Variants in CA13 observed in about 807,000 individuals in gnomAD.
CA13 encodes CA-XIII.
Under a neutral mutation model 31.5 loss-of-function variants are expected in CA13, and 21 were observed. The ratio of observed to expected loss-of-function variants is 0.67; its 90% CI spans 0.47 to 0.96. CA13 has a LOEUF of 0.96. CA13 is among the 40% of genes least tolerant of loss of function. The pLI is 0.00. For missense variants in CA13, 315 were observed against 318.9 expected (o/e 0.99, Z 0.09); for synonymous variants, 117 against 111.4 (o/e 1.05, Z -0.32).
Position 85,282,914 on chromosome 8 carries a change from G to A in CA13, c.*1565G>A, listed in dbSNP as rs752396689. On this transcript the variant is annotated 3_prime_UTR_variant, in exon 7 of 7. Transcript: ENST00000321764. ...TTCTTTTATCTCTCTTCCTCTGGAT[G>A]TAGTTTTTTTTTGTTTTTTTTTTGT... The A allele has an allele frequency of 8.1e-6, 1 of 124,090 alleles. No individual in the cohort carries two copies. The highest frequency in any genetic ancestry group is 2.9e-5 in the African/African-American group (1 of 34,416). The allele number at this position is 124,090 out of a possible 1,614,324, so 7.7% of individuals were successfully genotyped here. A position where few individuals can be genotyped will look rare whatever the true frequency, so the allele number is the denominator to read the frequency against.
At chr8:85,251,087 C>G (rs1292418437) in intron 2 of CA13, 150 bp downstream of exon 2, 1 of 675,400 alleles carries the variant, frequency 1.5e-6, no homozygotes, top group African/African-American at 1.8e-5. Context: ...TTGCAACCTC[C>G]GCCTCCTAAG....
intron 6 of CA13, among the ~76,000 whole-genome samples, chr8:85,273,811 G>A (rs1441979117): frequency 3.3e-5 from 5 of 152,146 alleles, no homozygotes; most frequent in South Asian, 4.1e-4. Flanking sequence ...AGAGTGCGCC[G>A]ACAGACAACA....
rs958115755 is a variant in CA13, at chr8:85,281,547, C to T, written c.*198C>T. 2 of 1,240,640 alleles carry T rather than the reference C, an allele frequency of 1.6e-6. No homozygotes were observed. The highest frequency in any genetic ancestry group is 2.1e-6 in the Non-Finnish European group (2 of 973,952). The allele number at this position is 1,240,640 out of a possible 1,614,324, so 76.9% of individuals were successfully genotyped here. A position where few individuals can be genotyped will look rare whatever the true frequency, so the allele number is the denominator to read the frequency against. On this transcript the variant is annotated 3_prime_UTR_variant, in exon 7 of 7. Coordinates refer to ENST00000321764, the MANE Select transcript of CA13 (RefSeq NM_198584.3). ...TTTTTTTTAGTGATAGAGTCTCACT[C>T]TGTCACCCAGGCTGGAGGGCAGTGG...
intron 6 of CA13, among the ~76,000 whole-genome samples, 180 bp downstream of exon 6, chr8:85,268,807 G>C (rs1043959336): frequency 2.0e-5 from 3 of 151,810 alleles, no homozygotes; most frequent in Non-Finnish European, 4.4e-5. Context: ...CCTGTGATTA[G>C]ATGATTTATT....
intron 3 of CA13, among the ~76,000 whole-genome samples, chr8:85,262,328 A>G (rs1303387153): frequency 1.3e-5 from 2 of 152,180 alleles, no homozygotes; most frequent in Non-Finnish European, 2.9e-5. Context: ...CCTGTGGGAT[A>G]GGCATCCGTT....
intron 1 of CA13, among the ~76,000 whole-genome samples, chr8:85,248,470 A>G (rs558480201): frequency 6.6e-6 from 1 of 151,704 alleles, no homozygotes; most frequent in Non-Finnish European, 1.5e-5. Context: ...AAAAAAAAAA[A>G]AAAAGAAAAA....
chr8:85,270,060 A>G (rs16913721), intron 6 of CA13, among the ~76,000 whole-genome samples: 97,077 of 152,086 alleles, frequency 0.64, 31,371 homozygotes, highest in Non-Finnish European at 0.66. Flanking sequence ...ACTGTGCTTG[A>G]GGTGTGAACC....
chr8:85,245,533 C>A lies in CA13; in HGVS notation c.-296C>A, dbSNP rs76559906. 3 of 425,310 alleles carry A rather than the reference C, an allele frequency of 7.1e-6. No homozygotes were observed. The highest frequency in any genetic ancestry group is 8.4e-6 in the Non-Finnish European group (2 of 237,600). 26.3% of individuals were successfully genotyped at this position (425,310 alleles called of 1,614,324 possible). A position where few individuals can be genotyped will look rare whatever the true frequency, so the allele number is the denominator to read the frequency against. Reference sequence around the variant, plus strand: ...ACTCCTCAGAAGGCAGGAGATCCCCCCCGGAAACCTTTCTCTCTCCGTCTC... The same window carrying A: ...ACTCCTCAGAAGGCAGGAGATCCCCACCGGAAACCTTTCTCTCTCCGTCTC... On this transcript the variant is annotated 5_prime_UTR_variant, in exon 1 of 7. Transcript: ENST00000321764.
At chr8:85,261,343 T>C (rs1807376164) in intron 3 of CA13, among the ~76,000 whole-genome samples, 1 of 152,204 alleles carries the variant, frequency 6.6e-6, no homozygotes, top group South Asian at 2.1e-4. Context: ...TCCAGGTAAA[T>C]ATTACACAAA....
chr8:85,245,554 G>T lies in CA13; in HGVS notation c.-275G>T, dbSNP rs1813707381. ...CCCCCCCGGAAACCTTTCTCTCTCCGTCTCTCCCTCTAACTCAAATCTCTC... is the reference window on the plus strand; with the variant it reads ...CCCCCCCGGAAACCTTTCTCTCTCCTTCTCTCCCTCTAACTCAAATCTCTC... On this transcript the variant is annotated 5_prime_UTR_variant, in exon 1 of 7. Transcript: ENST00000321764. 1 of 474,484 alleles carries T rather than the reference G, an allele frequency of 2.1e-6. No homozygotes were observed. The highest frequency in any genetic ancestry group is 4.1e-5 in the Admixed American group (1 of 24,468). 29.4% of individuals were successfully genotyped at this position (474,484 alleles called of 1,614,324 possible). A position where few individuals can be genotyped will look rare whatever the true frequency, so the allele number is the denominator to read the frequency against.
rs192042096 is a variant in CA13 at position 85,271,674 on chromosome 8, T to C, written c.669+3047T>C. ...TCTCCTTTTAAAGAAAAAAACTCTT[T>C]TTTGTTTATTATATTTGCATGCAGT... On this transcript the variant is annotated intron_variant, in intron 6 of 6. Coordinates refer to ENST00000321764, the MANE Select transcript of CA13 (RefSeq NM_198584.3). Among the ~76,000 whole-genome samples, 432 of 152,322 alleles carry C rather than the reference T, an allele frequency of 2.8e-3. 2 individuals are homozygous for C. Among genetic ancestry groups the C allele is most frequent in the South Asian group, 0.011 (53 of 4,830 alleles).
At chr8:85,259,322 G>T in intron 2 of CA13, 99 bp from the exon 3 acceptor site, 2 of 887,778 alleles carry the variant, frequency 2.3e-6, no homozygotes, top group South Asian at 3.0e-5. Context: ...TTCCTTGGAG[G>T]ACATGGATGT....
At position 85,283,730 on chromosome 8, in the gene CA13, G is replaced by C. The variant is rs574991530; in HGVS notation, c.*2381G>C. 1 of 152,582 alleles carries C rather than the reference G, an allele frequency of 6.6e-6. No individual in the cohort carries two copies. Among genetic ancestry groups the C allele is most frequent in the Non-Finnish European group, 1.5e-5 (1 of 68,034 alleles). The allele number at this position is 152,582 out of a possible 1,614,324, so 9.5% of individuals were successfully genotyped here. A position where few individuals can be genotyped will look rare whatever the true frequency, so the allele number is the denominator to read the frequency against. ...ATGTGGAGGGGCATGTAGGACAGGG[G>C]TTCTAATTACTGTCTGTGAGAGTTA... On this transcript the variant is annotated 3_prime_UTR_variant, in exon 7 of 7. Coordinates refer to ENST00000321764, the MANE Select transcript of CA13 (RefSeq NM_198584.3).
intron 6 of CA13, among the ~76,000 whole-genome samples, chr8:85,275,790 C>T (rs987083668): frequency 6.6e-6 from 1 of 152,236 alleles, no homozygotes; most frequent in Non-Finnish European, 1.5e-5. Context: ...CAACACATTC[C>T]TCGATCAAGG....
At chr8:85,252,103 A>C (rs560927890) in intron 2 of CA13, among the ~76,000 whole-genome samples, 47 of 152,096 alleles carry the variant, frequency 3.1e-4, no homozygotes, top group Admixed American at 2.0e-3. Context: ...ACAAAAAATA[A>C]AAAATTAATC....
intron 2 of CA13, among the ~76,000 whole-genome samples, chr8:85,258,759 CAAAAAAAAAAAAAAAAA>C (rs33933991): frequency 4.6e-5 from 2 of 43,478 alleles, no homozygotes; most frequent in Admixed American, 9.8e-4. Context: ...CCTGTCTCTA[CAAAAAAAAAAAAAAAAA>C]AAAAAAAAAA....
At chr8:85,257,195 G>A (rs1807313303) in intron 2 of CA13, among the ~76,000 whole-genome samples, 1 of 152,168 alleles carries the variant, frequency 6.6e-6, no homozygotes, top group South Asian at 2.1e-4. Context: ...TTTAACAGGT[G>A]AGGTCTCTTA....
chr8:85,245,631 C>G lies in CA13; in HGVS notation c.-198C>G, dbSNP rs980875084. The G allele has an allele frequency of 1.7e-6, 1 of 604,466 alleles. No individual in the cohort carries two copies. The highest frequency in any genetic ancestry group is 3.0e-5 in the Admixed American group (1 of 33,110). The allele number at this position is 604,466 out of a possible 1,614,324, so 37.4% of individuals were successfully genotyped here. A position where few individuals can be genotyped will look rare whatever the true frequency, so the allele number is the denominator to read the frequency against. On this transcript the variant is annotated 5_prime_UTR_variant, in exon 1 of 7. Coordinates refer to ENST00000321764, the MANE Select transcript of CA13 (RefSeq NM_198584.3). ...TCGCGCCCCAGGAGTCAGCCAGCGG[C>G]GCGGGCGCCTTCCCCGCACGCCTCT... is the stretch of plus-strand genomic sequence containing the variant.
intron 4 of CA13, among the ~76,000 whole-genome samples, chr8:85,267,007 C>G (rs1807467265): frequency 6.6e-6 from 1 of 152,162 alleles, no homozygotes; most frequent in Non-Finnish European, 1.5e-5. Context: ...TAATTGTATA[C>G]TATTTAGGAC....
Sources: gnomAD v4.1 joint callset for allele counts (sites outside exome capture counted in the v4.1 genomes callset) on GRCh38, gnomAD v4.1.1 for gene constraint, MANE v1.5 for transcripts, NCBI Gene and HGNC (gene_info 2026-07-23, HGNC 2026-07-21) for gene names.